Variants in ST6GAL1 observed in about 807,000 individuals in gnomAD.
ST6GAL1 encodes the protein ST6 beta-galactoside alpha-2,6-sialyltransferase 1.
In ST6GAL1, 20 loss-of-function variants were observed where a neutral mutation model predicts 38.0. The observed-to-expected ratio is 0.53, with a 90% CI of 0.37 to 0.77. ST6GAL1 has a LOEUF of 0.77. ST6GAL1 is among the 30% of genes least tolerant of loss of function. ST6GAL1 has a pLI of 0.00. For missense variants in ST6GAL1, 432 were observed against 496.4 expected (o/e 0.87, Z 1.23); for synonymous variants, 196 against 188.2 (o/e 1.04, Z -0.34).
chr3:187,064,684 G>A (rs1021056582), intron 5 of ST6GAL1: 7 of 453,292 alleles, frequency 1.5e-5, no homozygotes, highest in East Asian at 7.0e-5. Context: ...TTTCGTACTC[G>A]AGTCCTGGCC....
At chr3:186,971,266 T>C (rs1268564758) in intron 2 of ST6GAL1, among the ~76,000 whole-genome samples, 1 of 152,224 alleles carries the variant, frequency 6.6e-6, no homozygotes, top group African/African-American at 2.4e-5. Flanking sequence ...TTTTTTTGTA[T>C]CTTTAGTAGA....
chr3:186,997,470 A>T (rs1037124360), intron 2 of ST6GAL1, among the ~76,000 whole-genome samples: 1 of 152,164 alleles, frequency 6.6e-6, no homozygotes, highest in Non-Finnish European at 1.5e-5. Flanking sequence ...CTAAAGATTA[A>T]GGGTTTTATG....
intron 2 of ST6GAL1, among the ~76,000 whole-genome samples, chr3:186,987,854 T>A (rs1716008076): frequency 6.6e-6 from 1 of 152,250 alleles, no homozygotes; most frequent in South Asian, 2.1e-4. Context: ...CTGCTGCTTC[T>A]TATGCTAGAA....
chr3:187,048,619 C>T (rs866269893), intron 4 of ST6GAL1, among the ~76,000 whole-genome samples: 68 of 152,286 alleles, frequency 4.5e-4, no homozygotes, highest in Admixed American at 4.0e-3. Flanking sequence ...TGTCTATGTC[C>T]GTGCAGTAGA....
Position 186,953,812 on chromosome 3 carries a change from T to G in ST6GAL1, c.-324-9973T>G, listed in dbSNP as rs1321490893. 9.5e-4 allele frequency among the ~76,000 whole-genome samples: 62 copies of G among 65,152 alleles called. 1 individual carries two copies. In the Admixed American group the frequency reaches 9.8e-3, roughly 10 times the overall value. The allele number at this position is 65,152 out of a possible 152,430, so 42.7% of individuals were successfully genotyped here. On this transcript the variant is annotated intron_variant, in intron 1 of 7. Coordinates refer to ENST00000169298, the MANE Select transcript of ST6GAL1 (RefSeq NM_173216.2). ...TGAAGAAACTGAGACACAGAGAGGT[T>G]TTTTTTTTTTTTTTAATTTTATTTT...
At chr3:186,973,434 G>C (rs1442114299) in intron 2 of ST6GAL1, among the ~76,000 whole-genome samples, 1 of 152,184 alleles carries the variant, frequency 6.6e-6, no homozygotes, top group Non-Finnish European at 1.5e-5. Context: ...GACCTTGGAG[G>C]ATAGCACATG....
Position 186,946,034 on chromosome 3 carries a change from C to T in ST6GAL1, c.-325+15200C>T, listed in dbSNP as rs182538478. Among the ~76,000 whole-genome samples, 7 of 148,712 alleles carry T rather than the reference C, an allele frequency of 4.7e-5. No homozygotes were observed. In the East Asian group the frequency reaches 6.0e-4, roughly 13 times the overall value. On this transcript the variant is annotated intron_variant, in intron 1 of 7. Coordinates refer to ENST00000169298, the MANE Select transcript of ST6GAL1 (RefSeq NM_173216.2). The stretch of plus-strand genomic sequence containing the variant: ...GAAGGGTACCTTTTCTGGCCGGGCG[C>T]GGTGGCTCATGCCTGTAATCCCAGC...
chr3:186,983,915 T>C (rs759766719), intron 2 of ST6GAL1, among the ~76,000 whole-genome samples: 4 of 152,118 alleles, frequency 2.6e-5, no homozygotes, highest in African/African-American at 4.8e-5. Context: ...CTCCCAAATA[T>C]GGATCTCCAG....
At position 187,041,634 on chromosome 3, in the gene ST6GAL1, G is replaced by A. The variant is rs138719286; in HGVS notation, c.-50-1020G>A. 6.6e-5 allele frequency among the ~76,000 whole-genome samples: 10 copies of A among 152,284 alleles called. No individual in the cohort carries two copies. The East Asian group carries it at 1.9e-3, about 29-fold the overall frequency. ...TTGTACTGGAAAGGACATGGGTTAT[G>A]GAATCAAATCCACTTCGATTTGAAC... On this transcript the variant is annotated intron_variant, in intron 3 of 7. Transcript: ENST00000169298.
intron 2 of ST6GAL1, among the ~76,000 whole-genome samples, chr3:187,026,881 T>A (rs1560167643): frequency 6.6e-6 from 1 of 151,862 alleles, no homozygotes; most frequent in Non-Finnish European, 1.5e-5. Flanking sequence ...CCATCTCTAC[T>A]AAAAACACAA....
intron 2 of ST6GAL1, among the ~76,000 whole-genome samples, chr3:186,967,224 C>T (rs1250741392): frequency 6.6e-6 from 1 of 152,176 alleles, no homozygotes; most frequent in Non-Finnish European, 1.5e-5. Context: ...CGGTGTCTTG[C>T]TCTGTTGCCC....
intron 2 of ST6GAL1, among the ~76,000 whole-genome samples, chr3:186,990,883 G>A (rs1423719940): frequency 6.6e-6 from 1 of 151,472 alleles, no homozygotes; most frequent in Non-Finnish European, 1.5e-5. Flanking sequence ...CTAGATGCTT[G>A]TTCCAGTAAG....
intron 2 of ST6GAL1, among the ~76,000 whole-genome samples, chr3:186,977,587 T>C (rs1338098364): frequency 2.0e-5 from 3 of 152,094 alleles, no homozygotes; most frequent in Non-Finnish European, 4.4e-5. Context: ...CTACAGAAAC[T>C]GCAGGCAGCC....
intron 5 of ST6GAL1, among the ~76,000 whole-genome samples, chr3:187,066,606 GT>G (rs1719147353): frequency 1.0e-5 from 1 of 98,456 alleles, no homozygotes. Context: ...GCGTGCGTGT[GT>G]GTGTGTGTGT....
At chr3:186,965,129 A>G (rs972900542) in intron 2 of ST6GAL1, among the ~76,000 whole-genome samples, 4 of 152,148 alleles carry the variant, frequency 2.6e-5, no homozygotes, top group African/African-American at 9.7e-5. Context: ...CCTTCGGATT[A>G]CTGACACCCT....
Position 187,074,327 on chromosome 3 carries a change from A to C in ST6GAL1, c.973A>C (p.Met325Leu). Residue 325 changes from methionine to leucine, a missense_variant, in exon 7 of 8, where the codon ATG becomes CTG. By Grantham distance (15) the Met-to-Leu change is conservative (BLOSUM62 2). Coordinates refer to ENST00000169298, the MANE Select transcript of ST6GAL1 (RefSeq NM_173216.2). ...EIQPNPPSSG[M>L]LGIIIMMTLC... ...TCAGCCAAACCCCCCATCCTCTGGG[A>C]TGCTTGGTGAGTTCATGTCGGGGAA... The C allele has an allele frequency of 6.3e-7, 1 of 1,584,626 alleles. No homozygotes were observed. The highest frequency in any genetic ancestry group is 8.6e-7 in the Non-Finnish European group (1 of 1,168,312).
intron 2 of ST6GAL1, among the ~76,000 whole-genome samples, chr3:186,967,484 G>A (rs147049990): frequency 2.0e-5 from 3 of 152,204 alleles, no homozygotes; most frequent in Admixed American, 2.0e-4. Flanking sequence ...GAGCGACTGC[G>A]CCTGGCCCGA....
At chr3:186,944,642 A>G (rs1432204467) in intron 1 of ST6GAL1, among the ~76,000 whole-genome samples, 1 of 152,268 alleles carries the variant, frequency 6.6e-6, no homozygotes, top group Non-Finnish European at 1.5e-5. Context: ...TTACCAGGAA[A>G]CATAACAGAA....
chr3:187,011,324 G>T (rs533364010), intron 2 of ST6GAL1, among the ~76,000 whole-genome samples: 2 of 152,278 alleles, frequency 1.3e-5, no homozygotes, highest in East Asian at 3.9e-4. Flanking sequence ...TCTCTTCCTC[G>T]TTCTTCACTT....
Sources: allele counts gnomAD v4.1 joint callset (sites outside exome capture counted in the v4.1 genomes callset), GRCh38; gene constraint gnomAD v4.1.1; transcripts MANE v1.5; gene names NCBI Gene and HGNC (gene_info 2026-07-23, HGNC 2026-07-21).